COBL: variants seen among roughly 807,000 people sequenced by gnomAD.
The protein encoded by COBL is protein cordon-bleu.
A neutral mutation model predicts 98.8 loss-of-function variants in COBL; 51 were observed. That is an observed-to-expected ratio of 0.52 (90% CI 0.41 to 0.65). The LOEUF (loss-of-function observed/expected upper bound fraction) is 0.65, where lower values mean the gene tolerates loss of function less well. Among genes scored for constraint, COBL ranks in the 30% least tolerant of loss-of-function variants. The probability of loss-of-function intolerance (pLI) is 0.00; values close to 1 mark genes in which losing one functional copy is unlikely to be tolerated. For synonymous variants in COBL, 634 were observed against 651.7 expected (o/e 0.97, Z 0.41); for missense variants, 1,617 against 1,617.5 (o/e 1.00, Z 0.01).
chr7:51,028,668 C>T lies in COBL; in HGVS notation c.2428G>A (p.Asp810Asn). The T allele has an allele frequency of 6.2e-7, 1 of 1,612,638 alleles. No homozygotes were observed. Among genetic ancestry groups the T allele is most frequent in the South Asian group, 1.1e-5 (1 of 90,878 alleles). Reference protein sequence around the residue: ...TQNPESRLQADPKPISPQQKS... With the variant: ...TQNPESRLQANPKPISPQQKS... ...TGCTGGGGCGATATTGGCTTGGGGTCTGCTTGGAGTCTGCTCTCTGGATTC... is the reference window on the plus strand; with the variant it reads ...TGCTGGGGCGATATTGGCTTGGGGTTTGCTTGGAGTCTGCTCTCTGGATTC... The change falls in exon 10 of 13, where the codon GAC becomes AAC. Residue 810 changes from aspartate (D) to asparagine (N), a missense_variant. By Grantham distance (23) the Asp-to-Asn change is conservative. Around this residue, in one of 3 missense-constraint regions of COBL, gnomAD observed 1,304 missense variants for 1,282.0 expected, o/e 1.02. Coordinates refer to ENST00000265136, the MANE Select transcript of COBL (RefSeq NM_015198.5).
chr7:51,107,685 C>T (rs912616935), intron 6 of COBL, among the ~76,000 whole-genome samples: 3 of 152,100 alleles, frequency 2.0e-5, no homozygotes, highest in Admixed American at 2.0e-4. Context: ...ATGGGCAGAC[C>T]TCTCACCTCT....
chr7:51,208,436 T>G (rs1243664736), intron 2 of COBL, among the ~76,000 whole-genome samples: 1 of 135,466 alleles, frequency 7.4e-6, no homozygotes. Flanking sequence ...GGGAGGGAGG[T>G]GGGGGGGGTC....
intron 4 of COBL, among the ~76,000 whole-genome samples, chr7:51,186,665 G>A (rs727969): frequency 0.065 from 9,956 of 152,296 alleles, 511 homozygotes; most frequent in Non-Finnish European, 0.092. Context: ...GCCTGCAGCT[G>A]TCTGGAGGCA....
chr7:51,181,874 A>G (rs1280513471), intron 5 of COBL, among the ~76,000 whole-genome samples: 5 of 151,806 alleles, frequency 3.3e-5, no homozygotes, highest in Admixed American at 6.6e-5. Context: ...GTCCCTTGCA[A>G]TCCACGGACG....
intron 1 of COBL, among the ~76,000 whole-genome samples, chr7:51,233,668 G>C (rs765242094): frequency 1.3e-5 from 2 of 152,188 alleles, no homozygotes; most frequent in African/African-American, 4.8e-5. Context: ...TAACTGATTG[G>C]AACTCAACGG....
chr7:51,078,845 G>A (rs750120229), intron 7 of COBL, among the ~76,000 whole-genome samples: 4 of 152,206 alleles, frequency 2.6e-5, no homozygotes, highest in Admixed American at 6.5e-5. Context: ...TCAGCGCCTC[G>A]CTGGCAGTTG....
chr7:51,072,838 T>C (rs898783836), intron 7 of COBL: 3 of 152,282 alleles, frequency 2.0e-5, no homozygotes, highest in African/African-American at 4.8e-5. Flanking sequence ...CTATGTATCA[T>C]TGAATGGATA....
intron 6 of COBL, among the ~76,000 whole-genome samples, chr7:51,117,176 T>C (rs1797346666): frequency 7.3e-6 from 1 of 137,820 alleles, no homozygotes; most frequent in Non-Finnish European, 1.6e-5. Flanking sequence ...AAAGTACCTA[T>C]GTAGCTATGC....
intron 2 of COBL, among the ~76,000 whole-genome samples, chr7:51,194,385 T>C (rs1469533344): frequency 1.3e-5 from 2 of 152,210 alleles, no homozygotes; most frequent in Non-Finnish European, 2.9e-5. Flanking sequence ...GTTGATTCCA[T>C]GTCTTTGCTA....
At chr7:51,180,093 A>G (rs1376269442) in intron 5 of COBL, among the ~76,000 whole-genome samples, 2 of 152,208 alleles carry the variant, frequency 1.3e-5, no homozygotes, top group Non-Finnish European at 2.9e-5. Context: ...TTTTATGGCA[A>G]TATACTTACT....
At chr7:51,198,799 C>G (rs556609988) in intron 2 of COBL, among the ~76,000 whole-genome samples, 2 of 152,176 alleles carry the variant, frequency 1.3e-5, no homozygotes, top group Non-Finnish European at 2.9e-5. Context: ...GGCTCATGTA[C>G]CCCAACAGAA....
chr7:51,108,957 C>CACACACACACACACACACACACACA (rs869144573), intron 6 of COBL, among the ~76,000 whole-genome samples: 1 of 83,944 alleles, frequency 1.2e-5, no homozygotes, highest in South Asian at 3.5e-4. Context: ...CACACACACA[C>CACACACACACACACACACACACACA]CCCCTGCCCC....
chr7:51,238,623 G>GA (rs1450610064), intron 1 of COBL, among the ~76,000 whole-genome samples: 1 of 147,282 alleles, frequency 6.8e-6, no homozygotes, highest in African/African-American at 2.6e-5. Context: ...AGCAAAGGGG[G>GA]AAAAATGTTG....
intron 6 of COBL, among the ~76,000 whole-genome samples, chr7:51,117,121 G>A (rs182119990): frequency 2.9e-4 from 37 of 128,430 alleles, no homozygotes; most frequent in African/African-American, 1.0e-3. Context: ...CTCTACTTGT[G>A]TATAAGATTT....
chr7:51,302,112 T>C (rs934402103), intron 1 of COBL, among the ~76,000 whole-genome samples: 3 of 152,112 alleles, frequency 2.0e-5, no homozygotes, highest in Non-Finnish European at 4.4e-5. Context: ...GCTTACAAAC[T>C]AGGTGAAGAC....
chr7:51,021,961 C>A (rs1333893037), intron 12 of COBL, among the ~76,000 whole-genome samples: 1 of 152,220 alleles, frequency 6.6e-6, no homozygotes, highest in Non-Finnish European at 1.5e-5. Context: ...TGGCCCCCTG[C>A]ACCTGAGTCT....
intron 5 of COBL, chr7:51,172,449 T>C (rs1450649727): frequency 1.6e-6 from 2 of 1,287,082 alleles, no homozygotes; most frequent in Admixed American, 2.3e-5. Context: ...GGGGCATTAG[T>C]ACTCACGTTC....
rs138067708 is a variant in COBL at position 51,017,985 on chromosome 7, C to A, written c.3769-417G>T. Among the ~76,000 whole-genome samples, 22 of 152,318 alleles carry A rather than the reference C, an allele frequency of 1.4e-4. No individual in the cohort carries two copies. The East Asian group carries it at 4.2e-3, about 29-fold the overall frequency. On this transcript the variant is annotated intron_variant, in intron 12 of 12. Coordinates refer to ENST00000265136, the MANE Select transcript of COBL (RefSeq NM_015198.5). ...CCCTCTATAACTTCAGTTTCTTCAT[C>A]TTTATATTGGAGACATACCCATAAT...
intron 1 of COBL, among the ~76,000 whole-genome samples, chr7:51,305,505 T>C (rs1054443268): frequency 1.6e-4 from 24 of 152,190 alleles, no homozygotes; most frequent in African/African-American, 5.5e-4. Flanking sequence ...ATCTTCCAAC[T>C]TGGTGCATGT....
Sources: allele counts gnomAD v4.1 joint callset (sites outside exome capture counted in the v4.1 genomes callset), GRCh38; gene constraint gnomAD v4.1.1; regional missense constraint gnomAD v4.1.1; transcripts MANE v1.5; gene names NCBI Gene and HGNC (gene_info 2026-07-23, HGNC 2026-07-21).